The following RTBDN variants were observed in gnomAD, a reference collection of about 807,000 sequenced individuals.
RTBDN encodes the protein retbindin.
A neutral mutation model predicts 21.9 loss-of-function variants in RTBDN; 24 were observed. The observed-to-expected ratio is 1.10, with a 90% CI of 0.79 to 1.54. The LOEUF is 1.54. Among genes scored for constraint, RTBDN ranks in the 40% most tolerant of loss-of-function variants. The pLI is 0.00. For missense variants in RTBDN, 325 were observed against 315.2 expected (o/e 1.03, Z -0.23); for synonymous variants, 141 against 125.9 (o/e 1.12, Z -0.80).
rs1425313822 is a variant in RTBDN, at chr19:12,830,683, A to AG, written c.-18-687dup. 1 of 985,474 alleles carries AG rather than the reference A, an allele frequency of 1.0e-6. No individual in the cohort carries two copies. Among genetic ancestry groups the AG allele is most frequent in the African/African-American group, 1.7e-5 (1 of 57,260 alleles). 61.0% of individuals were successfully genotyped at this position (985,474 alleles called of 1,614,324 possible). On this transcript the variant is annotated intron_variant, in intron 1 of 5. Coordinates refer to ENST00000674343, the MANE Select transcript of RTBDN (RefSeq NM_001270441.2). The surrounding 1 kb of genome is among the most constrained non-coding windows in gnomAD (Gnocchi z 4.2). ...CCAGTCCAGGAAACTGGCTGCTGAA[A>AG]GGGGCGTGGCTTAATGCAGGGGCGG...
At position 12,834,436 on chromosome 19, in the gene RTBDN, C is replaced by T. The variant is rs763663746; in HGVS notation, c.-19+53G>A. On this transcript the variant is annotated intron_variant, in intron 1 of 5. Transcript: ENST00000674343. The surrounding 1 kb of genome is among the most constrained non-coding windows in gnomAD (Gnocchi z 4.7). ...GTTTGTGCGGCAACCTCGCCCCTCA[C>T]CACCCCAGGAGCCCCCTCCCGAGGC... 54 of 1,405,134 alleles carry T rather than the reference C, an allele frequency of 3.8e-5. No individual in the cohort carries two copies. The highest frequency in any genetic ancestry group is 4.7e-5 in the Non-Finnish European group (48 of 1,030,842). The allele number at this position is 1,405,134 out of a possible 1,614,324, so 87.0% of individuals were successfully genotyped here.
At chr19:12,829,063 A>G (rs11669115) in intron 2 of RTBDN, 110 bp from the exon 3 acceptor site, 2 of 1,515,876 alleles carry the variant, frequency 1.3e-6, no homozygotes, top group East Asian at 4.9e-5. Context: ...ATCAATCCTC[A>G]CAAACCCATA....
intron 4 of RTBDN, among the ~76,000 whole-genome samples, 185 bp downstream of exon 4, chr19:12,828,472 T>A (rs573547444): frequency 1.3e-5 from 2 of 152,326 alleles, no homozygotes; most frequent in African/African-American, 4.8e-5. Context: ...GCAGGTATCT[T>A]AAAAGCTGGG....
rs766372488 is a variant in RTBDN at position 12,826,840 on chromosome 19, C to T, written c.397G>A (p.Gly133Ser). The change falls in exon 5 of 6, where the codon GGC becomes AGC. Residue 133 changes from glycine (G) to serine (S), a missense_variant. Transcript: ENST00000674343. ...FANCEDDITCGPTWLPLSEKR... is the reference protein window; with the variant it reads ...FANCEDDITCSPTWLPLSEKR... ...TCTGAGAGTGGGAGCCAAGTCGGGC[C>T]GCAGGTGATATCATCTTCGCAGTTG... 7.1e-6 allele frequency: 11 copies of T among 1,553,670 alleles called. No individual in the cohort carries two copies. Among genetic ancestry groups the T allele is most frequent in the East Asian group, 4.9e-5 (2 of 41,132 alleles).
At position 12,830,358 on chromosome 19, in the gene RTBDN, G is replaced by A. The variant is rs1377155817; in HGVS notation, c.-18-361C>T. On this transcript the variant is annotated intron_variant, in intron 1 of 5. Transcript: ENST00000674343. The surrounding 1 kb of genome is among the most constrained non-coding windows in gnomAD (Gnocchi z 4.2). Reference sequence around the variant, plus strand: ...CTAGGTCTTCCAATCCCCCTCTCCTGTTCAGTAATTCCTCCCTCTCTTCTA... The same window carrying A: ...CTAGGTCTTCCAATCCCCCTCTCCTATTCAGTAATTCCTCCCTCTCTTCTA... 3.0e-6 allele frequency: 3 copies of A among 1,012,576 alleles called. No homozygotes were observed. The highest frequency in any genetic ancestry group is 1.9e-4 in the East Asian group (2 of 10,486). 62.7% of individuals were successfully genotyped at this position (1,012,576 alleles called of 1,614,324 possible). A position where few individuals can be genotyped will look rare whatever the true frequency, so the allele number is the denominator to read the frequency against.
chr19:12,833,811 C>T, intron 1 of RTBDN: 1 of 289,208 alleles, frequency 3.5e-6, no homozygotes. Flanking sequence ...GGGCCCGCCC[C>T]ACTTCGCTCC....
At position 12,825,547 on chromosome 19, in the gene RTBDN, A is replaced by G. The variant is rs1309600688; in HGVS notation, c.*159T>C. On this transcript the variant is annotated 3_prime_UTR_variant, in exon 6 of 6. Transcript: ENST00000674343. ...GTGAGAGAGTTGGGTCATTTCTGGG[A>G]TAACCTGGAGAGGGGTGGGTCTCTG... is the stretch of plus-strand genomic sequence containing the variant. 7.0e-6 allele frequency: 8 copies of G among 1,137,052 alleles called. No homozygotes were observed. The East Asian group carries it at 8.7e-5, about 12-fold the overall frequency. The allele number at this position is 1,137,052 out of a possible 1,614,324, so 70.4% of individuals were successfully genotyped here.
chr19:12,827,346 G>C (rs1969351238), intron 4 of RTBDN, among the ~76,000 whole-genome samples: 1 of 129,718 alleles, frequency 7.7e-6, no homozygotes, highest in Non-Finnish European at 1.6e-5. Context: ...TTTTTGAGAT[G>C]GAGTCCTGCT....
chr19:12,829,980 G>A lies in RTBDN; in HGVS notation c.-1C>T. On this transcript the variant is annotated 5_prime_UTR_variant, in exon 2 of 6. Coordinates refer to ENST00000674343, the MANE Select transcript of RTBDN (RefSeq NM_001270441.2). The stretch of plus-strand genomic sequence containing the variant: ...GTCGCATGTGGACCCTGCAGTCCAT[G>A]TCCACCTGAGATAAGAGCTGGCAGG... The A allele has an allele frequency of 1.2e-6, 2 of 1,606,726 alleles. No homozygotes were observed. The highest frequency in any genetic ancestry group is 1.7e-6 in the Non-Finnish European group (2 of 1,173,914).
At chr19:12,834,689 G>T (rs370649979), upstream of RTBDN, 12 of 1,553,204 alleles carry the variant, frequency 7.7e-6, no homozygotes, top group South Asian at 1.1e-5. This position sits in a 1 kb window ranked among gnomAD's most constrained non-coding sequence, Gnocchi z 4.7. Flanking sequence ...CTGCGCAGGC[G>T]CAGGAGCCGT....
Position 12,825,695 on chromosome 19 carries a change from C to A in RTBDN, c.*11G>T, listed in dbSNP as rs1231449425. Reference sequence around the variant, plus strand: ...GAAGGGTCGCTCCCCCAACTCAGGGCCACGCGTCCGCTAGGGGCCGCTGCC... The same window carrying A: ...GAAGGGTCGCTCCCCCAACTCAGGGACACGCGTCCGCTAGGGGCCGCTGCC... On this transcript the variant is annotated 3_prime_UTR_variant, in exon 6 of 6. Coordinates refer to ENST00000674343, the MANE Select transcript of RTBDN (RefSeq NM_001270441.2). 1 of 1,553,998 alleles carries A rather than the reference C, an allele frequency of 6.4e-7. No individual in the cohort carries two copies. The highest frequency in any genetic ancestry group is 8.7e-7 in the Non-Finnish European group (1 of 1,150,402).
Position 12,825,587 on chromosome 19 carries a change from A to T in RTBDN, c.*119T>A, listed in dbSNP as rs1337210602. On this transcript the variant is annotated 3_prime_UTR_variant, in exon 6 of 6. Coordinates refer to ENST00000674343, the MANE Select transcript of RTBDN (RefSeq NM_001270441.2). ...GTGGGTCTCTGGAGCTCCAGGGAGG[A>T]GGGACAGACATCTCAAAACTATTAC... is the stretch of plus-strand genomic sequence containing the variant. The T allele has an allele frequency of 7.1e-7, 1 of 1,401,018 alleles. No homozygotes were observed. The highest frequency in any genetic ancestry group is 2.7e-5 in the East Asian group (1 of 37,446). 86.8% of individuals were successfully genotyped at this position (1,401,018 alleles called of 1,614,324 possible).
At chr19:12,827,035 C>T in intron 4 of RTBDN, 164 bp from the exon 5 acceptor site, 2 of 622,108 alleles carry the variant, frequency 3.2e-6, no homozygotes, top group Non-Finnish European at 5.8e-6. Context: ...AGATTTCACC[C>T]TGCCCCATAT....
At position 12,830,396 on chromosome 19, in the gene RTBDN, C is replaced by T. The variant is rs1969523137; in HGVS notation, c.-18-399G>A. 12 of 992,474 alleles carry T rather than the reference C, an allele frequency of 1.2e-5. No individual in the cohort carries two copies. The highest frequency in any genetic ancestry group is 1.3e-5 in the Non-Finnish European group (11 of 834,684). 61.5% of individuals were successfully genotyped at this position (992,474 alleles called of 1,614,324 possible). On this transcript the variant is annotated intron_variant, in intron 1 of 5. Coordinates refer to ENST00000674343, the MANE Select transcript of RTBDN (RefSeq NM_001270441.2). This position sits in a 1 kb window ranked among gnomAD's most constrained non-coding sequence, Gnocchi z 4.2. Reference sequence around the variant, plus strand: ...TCCCTCTCTTCTATGCGGCCTCCCTCCTCCCTCTCTCGCTCCCTGCCGGCC... The same window carrying T: ...TCCCTCTCTTCTATGCGGCCTCCCTTCTCCCTCTCTCGCTCCCTGCCGGCC...
chr19:12,835,389 T>C (rs1969717118), upstream of RTBDN: 1 of 449,858 alleles, frequency 2.2e-6, no homozygotes, highest in Non-Finnish European at 4.1e-6. Flanking sequence ...TTAGAGCAAG[T>C]ACTGCAGCAG....
In RTBDN at chr19:12,828,895, T is replaced by C. The variant is rs776604289; in HGVS notation, c.228A>G (p.Pro76=). Residue 76 remains proline (P), a synonymous_variant, in exon 3 of 6, where the codon CCA becomes CCG. Coordinates refer to ENST00000674343, the MANE Select transcript of RTBDN (RefSeq NM_001270441.2). The stretch of plus-strand genomic sequence containing the variant: ...CAGGGCTCGGCACTCCACAGCGTTC[T>C]GGATGGTTTCCAGGGCCCGATGTCT... The part of the protein sequence containing the change: ...TTETSGPGNH[P]ERCGVPSPEC... The C allele has an allele frequency of 1.9e-6, 3 of 1,614,194 alleles. No homozygotes were observed. The highest frequency in any genetic ancestry group is 2.5e-6 in the Non-Finnish European group (3 of 1,180,032).
At chr19:12,834,674 C>T (rs969807508), upstream of RTBDN, 2 of 1,544,562 alleles carry the variant, frequency 1.3e-6, no homozygotes, top group Non-Finnish European at 1.8e-6. This position sits in a 1 kb window ranked among gnomAD's most constrained non-coding sequence, Gnocchi z 4.7. Context: ...ATGCTGGTCT[C>T]GAGGCTGCGC....
chr19:12,828,614 C>T (rs748103321), intron 4 of RTBDN, 43 bp downstream of exon 4: 5 of 1,497,064 alleles, frequency 3.3e-6, no homozygotes, highest in Admixed American at 1.9e-5. Context: ...CCCTCTTCCC[C>T]GCCCAAGTCA....
At chr19:12,835,231 A>G (rs2145873258), upstream of RTBDN, 5 of 837,190 alleles carry the variant, frequency 6.0e-6, no homozygotes, top group South Asian at 1.4e-5. Flanking sequence ...GGAGCCAGAC[A>G]TGAGTTGGAA....
Sources: gnomAD v4.1 joint callset for allele counts (sites outside exome capture counted in the v4.1 genomes callset) on GRCh38, gnomAD v4.1.1 for gene constraint, Gnocchi (gnomAD v3.1) non-coding constraint, MANE v1.5 for transcripts, NCBI Gene and HGNC (gene_info 2026-07-23, HGNC 2026-07-21) for gene names.